The following NUP98 variants were observed in gnomAD, a reference collection of about 807,000 sequenced individuals.
NUP98 encodes nucleoporin 98 and 96 precursor, also known as nuclear pore complex protein Nup98-Nup96.
In NUP98, 26 loss-of-function variants were observed where a neutral mutation model predicts 191.9. That is an observed-to-expected ratio of 0.14 (90% CI 0.10 to 0.19). The LOEUF (loss-of-function observed/expected upper bound fraction) is 0.19, where lower values mean the gene tolerates loss of function less well. NUP98 is among the 10% of genes least tolerant of loss of function. The pLI, the probability that NUP98 is intolerant of heterozygous loss-of-function variation, is 1.00. For missense variants in NUP98, 1,941 were observed against 2,178.8 expected, an observed-to-expected ratio of 0.89 and a Z score of 2.17; for synonymous variants, 808 against 778.4, an observed-to-expected ratio of 1.04 and a Z score of -0.63.
chr11:3,724,713 A>C (rs992353281), intron 15 of NUP98, among the ~76,000 whole-genome samples: 2 of 145,160 alleles, frequency 1.4e-5, no homozygotes, highest in African/African-American at 5.2e-5. Context: ...GAATCGCTTG[A>C]GCATGGGAGG....
In NUP98 at chr11:3,675,259, C is replaced by T. The variant is rs1458583075; in HGVS notation, c.*900G>A. On this transcript the variant is annotated 3_prime_UTR_variant, in exon 33 of 33. Coordinates refer to ENST00000324932, the MANE Select transcript of NUP98 (RefSeq NM_016320.5). ...GCAAAGGCCCTCTGCCTGCCCCTAA[C>T]GCCCAACTCCATGCCTGCCTCAGTC... The T allele has an allele frequency of 3.2e-5, 7 of 219,472 alleles. No individual in the cohort carries two copies. The highest frequency in any genetic ancestry group is 1.8e-4 in the South Asian group (1 of 5,414). 13.6% of individuals were successfully genotyped at this position (219,472 alleles called of 1,614,324 possible).
intron 17 of NUP98, among the ~76,000 whole-genome samples, chr11:3,719,770 TTTC>T (rs1270446334): frequency 4.0e-5 from 6 of 151,400 alleles, no homozygotes; most frequent in African/African-American, 1.5e-4. Context: ...TTTCTTTTCT[TTTC>T]TTTTTTTTTT....
chr11:3,719,412 C>T lies in NUP98; in HGVS notation c.2399G>A (p.Arg800Lys). 2 of 1,583,208 alleles carry T rather than the reference C, an allele frequency of 1.3e-6. No homozygotes were observed. Among genetic ancestry groups the T allele is most frequent in the Non-Finnish European group, 1.7e-6 (2 of 1,171,284 alleles). The change falls in exon 18 of 33, where the codon AGG (arginine) becomes AAG (lysine). Residue 800 changes from arginine (R) to lysine (K), a missense_variant and splice_region_variant. By Grantham distance (26) the Arg-to-Lys change is conservative. Around this residue, in one of 6 missense-constraint regions of NUP98, gnomAD observed 95 missense variants for 139.7 expected, o/e 0.68. Coordinates refer to ENST00000324932, the MANE Select transcript of NUP98 (RefSeq NM_016320.5). Reference protein sequence around the residue: ...QKPPVGEGLNRKAEVTLDGVW... With the variant: ...QKPPVGEGLNKKAEVTLDGVW... ...TTTCTGTATGTACATAAACTCTTAC[C>T]TATTTAGCCCTTCACCCACAGGTGG...
chr11:3,762,947 T>C lies in NUP98; in HGVS notation c.1041A>G (p.Thr347=). 2 of 1,614,180 alleles carry C rather than the reference T, an allele frequency of 1.2e-6. No homozygotes were observed. Among genetic ancestry groups the C allele is most frequent in the Non-Finnish European group, 1.7e-6 (2 of 1,180,036 alleles). The change falls in exon 9 of 33, where the codon ACA becomes ACG. Residue 347 remains threonine, a synonymous_variant. Transcript: ENST00000324932. ...CAGTATTGGTCTGCCCAAAGAGACC[T>C]GTTCCTGTTCCAAATGCTGTCCCAG... ...TSTGTAFGTG[T]GLFGQTNTGF...
rs766899854 is a variant in NUP98, at chr11:3,725,081, C to T, written c.1847+22G>A. On this transcript the variant is annotated intron_variant, in intron 15 of 32. Coordinates refer to ENST00000324932, the MANE Select transcript of NUP98 (RefSeq NM_016320.5). Reference sequence around the variant, plus strand: ...GACTATAACTCTCTACTAAGAAGAACTCAAAACAGAATTCAGTGTACCTCT... The same window carrying T: ...GACTATAACTCTCTACTAAGAAGAATTCAAAACAGAATTCAGTGTACCTCT... 1.1e-5 allele frequency: 12 copies of T among 1,094,896 alleles called. No homozygotes were observed. The South Asian group carries it at 1.5e-4, about 14-fold the overall frequency. The allele number at this position is 1,094,896 out of a possible 1,614,324, so 67.8% of individuals were successfully genotyped here.
At position 3,757,113 on chromosome 11, in the gene NUP98, A is replaced by ATATATC. The variant is rs552597044; in HGVS notation, c.1174+3420_1174+3425dup. Reference sequence around the variant, plus strand: ...AAAAAAAAAATATATATATATATCTATATATCTATATCTATATCTATATGT... The same window carrying ATATATC: ...AAAAAAAAAATATATATATATATCTATATATCTATATCTATATCTATATCTATATGT... On this transcript the variant is annotated intron_variant, in intron 10 of 32. Transcript: ENST00000324932. Among the ~76,000 whole-genome samples, 131 of 132,682 alleles carry ATATATC rather than the reference A, an allele frequency of 9.9e-4. 2 individuals carry two copies. The South Asian group carries it at 0.019, about 19-fold the overall frequency. The allele number at this position is 132,682 out of a possible 152,430, so 87.0% of individuals were successfully genotyped here. A position where few individuals can be genotyped will look rare whatever the true frequency, so the allele number is the denominator to read the frequency against.
At chr11:3,696,354 T>C (rs1170057687) in intron 25 of NUP98, among the ~76,000 whole-genome samples, 1 of 151,746 alleles carries the variant, frequency 6.6e-6, no homozygotes, top group African/African-American at 2.4e-5. Flanking sequence ...ATACAAAAAT[T>C]AGCCTGGCGT....
intron 1 of NUP98, among the ~76,000 whole-genome samples, chr11:3,784,963 C>A (rs976681791): frequency 1.3e-5 from 2 of 151,590 alleles, no homozygotes; most frequent in Non-Finnish European, 2.9e-5. Context: ...ATGGTGAAAC[C>A]CCCGTCTCTA....
At chr11:3,775,328 G>A (rs1216126964) in intron 5 of NUP98, among the ~76,000 whole-genome samples, 4 of 152,044 alleles carry the variant, frequency 2.6e-5, no homozygotes, top group South Asian at 2.1e-4. Flanking sequence ...TCAGCAGTTC[G>A]AGACCAGCCT....
intron 2 of NUP98, among the ~76,000 whole-genome samples, chr11:3,780,372 T>TAA (rs770071322): frequency 2.2e-5 from 2 of 89,448 alleles, no homozygotes; most frequent in Non-Finnish European, 4.8e-5. Context: ...CCACTTAAAA[T>TAA]AAAAAAAAAA....
At chr11:3,743,088 G>A (rs961618086) in intron 12 of NUP98, among the ~76,000 whole-genome samples, 5 of 151,744 alleles carry the variant, frequency 3.3e-5, no homozygotes, top group African/African-American at 9.7e-5. Context: ...GCGCGATCTC[G>A]GCTCACTGTA....
Position 3,764,862 on chromosome 11 carries a change from G to A in NUP98, c.949-1823C>T, listed in dbSNP as rs144671803. Among the ~76,000 whole-genome samples the A allele has an allele frequency of 3.7e-3, 566 of 152,330 alleles. 1 individual carries two copies. The highest frequency in any genetic ancestry group is 0.013 in the African/African-American group (542 of 41,572). ...CAAAGTGCTGGGATTAAAGGCGTGA[G>A]CCACCGCGCCCAGCCTGTTAGTCTT... On this transcript the variant is annotated intron_variant, in intron 8 of 32. Transcript: ENST00000324932.
At chr11:3,730,167 G>A (rs1473106038) in intron 14 of NUP98, among the ~76,000 whole-genome samples, 2 of 151,652 alleles carry the variant, frequency 1.3e-5, no homozygotes, top group African/African-American at 2.4e-5. Flanking sequence ...CCTAGGAGAT[G>A]GAGGTTGCAG....
chr11:3,786,255 A>C (rs1045509863), intron 1 of NUP98, among the ~76,000 whole-genome samples: 1 of 152,246 alleles, frequency 6.6e-6, no homozygotes, highest in African/African-American at 2.4e-5. Flanking sequence ...TGGGGAACCT[A>C]CAAAACCAAC....
rs140539304 is a variant in NUP98, at chr11:3,705,229, G to A, written c.3053C>T (p.Ala1018Val). 25 of 1,614,066 alleles carry A rather than the reference G, an allele frequency of 1.5e-5. No individual in the cohort carries two copies. The African/African-American group carries it at 3.2e-4, about 21-fold the overall frequency. Residue 1018 changes from alanine to valine, a missense_variant, in exon 22 of 33, where the codon GCA becomes GTA. Physicochemically the swap from Ala to Val is moderately conservative, Grantham distance 64. Around this residue, in one of 6 missense-constraint regions of NUP98, gnomAD observed 1,030 missense variants for 1,115.8 expected, o/e 0.92. Transcript: ENST00000324932. Reference sequence around the variant, plus strand: ...TGAACGAGTTTTCGACGAGTGGGATGCTGAAATGGGGAGTCTGGGAGAACA... The same window carrying A: ...TGAACGAGTTTTCGACGAGTGGGATACTGAAATGGGGAGTCTGGGAGAACA... ...EICSPRLPIS[A>V]SHSSKTRSLV...
intron 15 of NUP98, among the ~76,000 whole-genome samples, chr11:3,724,296 G>T (rs572938022): frequency 6.6e-6 from 1 of 151,732 alleles, no homozygotes. Context: ...TTAGCTGGGC[G>T]TGGAGGTGCA....
Position 3,675,090 on chromosome 11 carries a change from T to A in NUP98, c.*1069A>T, listed in dbSNP as rs1407922252. On this transcript the variant is annotated 3_prime_UTR_variant, in exon 33 of 33. Transcript: ENST00000324932. ...AGAGGAAAATATCTAGATCATTTAT[T>A]TATACATATATATATTTTTTAATAA... 1 of 179,982 alleles carries A rather than the reference T, an allele frequency of 5.6e-6. No homozygotes were observed. Among genetic ancestry groups the A allele is most frequent in the African/African-American group, 2.4e-5 (1 of 42,318 alleles). The allele number at this position is 179,982 out of a possible 1,614,324, so 11.1% of individuals were successfully genotyped here.
In NUP98 at chr11:3,723,273, C is replaced by G. The variant is rs774206680; in HGVS notation, c.2030G>C (p.Arg677Pro). ...VDDTIVALNM[R>P]AALRNGLEGS... The stretch of plus-strand genomic sequence containing the variant: ...TTCCAGCCCATTTCGCAAAGCAGCA[C>G]GCATGTTTAATGCAACAATGGTATC... The change falls in exon 16 of 33, where the codon CGT becomes CCT. Residue 677 changes from arginine to proline, a missense_variant. By Grantham distance (103) the Arg-to-Pro change is moderately radical. This residue lies in a region of NUP98 where 453 missense variants were observed against 438.2 expected (regional missense o/e 1.03). Transcript: ENST00000324932. 1.9e-6 allele frequency: 3 copies of G among 1,613,972 alleles called. No individual in the cohort carries two copies. The highest frequency in any genetic ancestry group is 2.7e-5 in the African/African-American group (2 of 74,898).
rs1207688253 is a variant in NUP98 at position 3,758,495 on chromosome 11, A to G, written c.1174+2044T>C. ...TCCATTTTAATTTTATAGGAAAGAAATAAGTAGGGATGGGTGCAGTGGCTC... is the reference window on the plus strand; with the variant it reads ...TCCATTTTAATTTTATAGGAAAGAAGTAAGTAGGGATGGGTGCAGTGGCTC... On this transcript the variant is annotated intron_variant, in intron 10 of 32. Transcript: ENST00000324932. Among the ~76,000 whole-genome samples, 5 of 152,152 alleles carry G rather than the reference A, an allele frequency of 3.3e-5. No homozygotes were observed. The East Asian group carries it at 7.7e-4, about 24-fold the overall frequency.
Sources: allele counts gnomAD v4.1 joint callset (sites outside exome capture counted in the v4.1 genomes callset), GRCh38; gene constraint gnomAD v4.1.1; regional missense constraint gnomAD v4.1.1; transcripts MANE v1.5; gene names NCBI Gene and HGNC (gene_info 2026-07-23, HGNC 2026-07-21).